The following GALNT17 variants were observed in gnomAD, a reference collection of about 807,000 sequenced individuals.
GALNT17 encodes the protein polypeptide N-acetylgalactosaminyltransferase 17, also known as UDP-GalNAc:polypeptide N-acetylgalactosaminyltransferase-like 3.
Under a neutral mutation model 63.7 loss-of-function variants are expected in GALNT17, and 29 were observed. The ratio of observed to expected loss-of-function variants is 0.46; its 90% confidence interval spans 0.34 to 0.62. The LOEUF (loss-of-function observed/expected upper bound fraction) is 0.62. GALNT17 is among the 20% of genes least tolerant of loss of function. The pLI is 0.01. For synonymous variants in GALNT17, 305 were observed against 318.3 expected (o/e 0.96, Z 0.45); for missense variants, 603 against 799.6 (o/e 0.75, Z 2.97).
At chr7:71,191,200 G>A (rs951813691) in intron 1 of GALNT17, among the ~76,000 whole-genome samples, 3 of 151,940 alleles carry the variant, frequency 2.0e-5, no homozygotes, top group African/African-American at 4.8e-5. Flanking sequence ...CTCTTGTATC[G>A]CTTCCTAGTC....
At chr7:71,700,450 C>CT (rs1791614965) in intron 9 of GALNT17, among the ~76,000 whole-genome samples, 1 of 152,164 alleles carries the variant, frequency 6.6e-6, no homozygotes, top group Non-Finnish European at 1.5e-5. Context: ...ATTCTCCACT[C>CT]AACAGACAGT....
chr7:71,170,079 A>G (rs1183147370), intron 1 of GALNT17, among the ~76,000 whole-genome samples: 1 of 152,010 alleles, frequency 6.6e-6, no homozygotes, highest in Non-Finnish European at 1.5e-5. Flanking sequence ...GGGACTACAG[A>G]TGCCAGCCAC....
intron 5 of GALNT17, among the ~76,000 whole-genome samples, chr7:71,460,368 T>A (rs1787432262): frequency 6.6e-6 from 1 of 152,146 alleles, no homozygotes; most frequent in Non-Finnish European, 1.5e-5. Context: ...AAATAAATAC[T>A]AAATCACCAC....
chr7:71,635,044 TA>T (rs1790509379), intron 6 of GALNT17, among the ~76,000 whole-genome samples: 3 of 151,614 alleles, frequency 2.0e-5, no homozygotes, highest in Non-Finnish European at 4.4e-5. Flanking sequence ...CCGTCTCTAC[TA>T]AAAGTACATA....
In GALNT17 at chr7:71,509,641, CTT is replaced by C. The variant is rs1375401712; in HGVS notation, c.963-61639_963-61638del. Among the ~76,000 whole-genome samples, 3 of 152,306 alleles carry C rather than the reference CTT, an allele frequency of 2.0e-5. No homozygotes were observed. In the East Asian group the frequency reaches 5.8e-4, roughly 29 times the overall value. On this transcript the variant is annotated intron_variant, in intron 5 of 10. Transcript: ENST00000333538. ...CTAGGATTCAAACTAGAGCCTGTAT[CTT>C]TTTTGGGATGCTCCCAAAGAGCCTG...
At chr7:71,180,481 A>G (rs1046086064) in intron 1 of GALNT17, among the ~76,000 whole-genome samples, 2 of 152,162 alleles carry the variant, frequency 1.3e-5, no homozygotes, top group African/African-American at 4.8e-5. Context: ...GTGGGAAAGA[A>G]GGCTCCTTCA....
At chr7:71,377,119 AT>A (rs1563047714) in intron 2 of GALNT17, among the ~76,000 whole-genome samples, 1 of 85,218 alleles carries the variant, frequency 1.2e-5, no homozygotes, top group African/African-American at 4.9e-5. Context: ...AAAAAAATAT[AT>A]ATATATATAT....
At chr7:71,636,645 G>A (rs1790532211) in intron 6 of GALNT17, among the ~76,000 whole-genome samples, 1 of 152,356 alleles carries the variant, frequency 6.6e-6, no homozygotes, top group South Asian at 2.1e-4. Flanking sequence ...AGTTTTCCGG[G>A]TAGACTTAGC....
At chr7:71,697,830 G>C (rs1791567156) in intron 9 of GALNT17, among the ~76,000 whole-genome samples, 1 of 152,058 alleles carries the variant, frequency 6.6e-6, no homozygotes, top group Non-Finnish European at 1.5e-5. Flanking sequence ...TCATAAGAAA[G>C]TGGTTGTATC....
chr7:71,405,330 A>G (rs956649101), intron 3 of GALNT17, among the ~76,000 whole-genome samples: 1 of 152,152 alleles, frequency 6.6e-6, no homozygotes, highest in East Asian at 1.9e-4. Context: ...GGGGACTGCT[A>G]TAAGAAGTAC....
intron 6 of GALNT17, among the ~76,000 whole-genome samples, chr7:71,591,057 G>A (rs541074875): frequency 7.4e-4 from 111 of 149,834 alleles, no homozygotes; most frequent in African/African-American, 2.7e-3. Context: ...CACCGCGCCT[G>A]GCCATTTGTT....
intron 1 of GALNT17, among the ~76,000 whole-genome samples, chr7:71,188,873 G>A (rs985346741): frequency 6.6e-6 from 1 of 152,130 alleles, no homozygotes; most frequent in Non-Finnish European, 1.5e-5. Flanking sequence ...AATAGAGTCG[G>A]GGAGAGTGAG....
At chr7:71,689,077 G>C (rs1449461788) in intron 9 of GALNT17, among the ~76,000 whole-genome samples, 1 of 151,942 alleles carries the variant, frequency 6.6e-6, no homozygotes, top group Non-Finnish European at 1.5e-5. Context: ...ATTATTCGGG[G>C]CACTATGAGC....
chr7:71,175,897 T>C (rs1296766467), intron 1 of GALNT17, among the ~76,000 whole-genome samples: 1 of 151,938 alleles, frequency 6.6e-6, no homozygotes, highest in African/African-American at 2.4e-5. Flanking sequence ...TGAGACACTA[T>C]CTCAAAAAAA....
In GALNT17 at chr7:71,694,062, G is replaced by A. The variant is rs182348289; in HGVS notation, c.1501-16699G>A. ...CTCACAGTTCCACGTGGCTGGGGAG[G>A]CCTCACAATCACGGTGGAAGGTGAA... On this transcript the variant is annotated intron_variant, in intron 9 of 10. Coordinates refer to ENST00000333538, the MANE Select transcript of GALNT17 (RefSeq NM_022479.3). Among the ~76,000 whole-genome samples, 604 of 152,202 alleles carry A rather than the reference G, an allele frequency of 4.0e-3. 10 individuals carry two copies. The highest frequency in any genetic ancestry group is 0.014 in the African/African-American group (577 of 41,536).
intron 1 of GALNT17, among the ~76,000 whole-genome samples, chr7:71,217,145 G>GTTTTTTTTTTTTTTTTTTTTTT (rs1197080765): frequency 8.1e-6 from 1 of 122,758 alleles, no homozygotes; most frequent in Non-Finnish European, 1.6e-5. Context: ...TTCGTGTTTT[G>GTTTTTTTTTTTTTTTTTTTTTT]TTTTTTTTTT....
At chr7:71,662,859 G>T (rs569743789) in intron 6 of GALNT17, among the ~76,000 whole-genome samples, 1 of 152,136 alleles carries the variant, frequency 6.6e-6, no homozygotes, top group Non-Finnish European at 1.5e-5. Flanking sequence ...CTTATGTTTA[G>T]GTCGTTGATC....
intron 7 of GALNT17, 130 bp from the exon 8 acceptor site, chr7:71,669,842 T>G (rs1468184659): frequency 8.5e-7 from 1 of 1,171,808 alleles, no homozygotes; most frequent in Non-Finnish European, 1.2e-6. Flanking sequence ...ATTACAGGCA[T>G]GAGCCACCGT....
intron 5 of GALNT17, among the ~76,000 whole-genome samples, chr7:71,431,533 T>C (rs2116488445): frequency 6.6e-6 from 1 of 152,184 alleles, no homozygotes; most frequent in Non-Finnish European, 1.5e-5. Flanking sequence ...TTATATCCTT[T>C]TTACAGGCAA....
Sources: allele counts gnomAD v4.1 joint callset (sites outside exome capture counted in the v4.1 genomes callset), GRCh38; gene constraint gnomAD v4.1.1; transcripts MANE v1.5; gene names NCBI Gene and HGNC (gene_info 2026-07-23, HGNC 2026-07-21).